The following ACP6 variants were observed in gnomAD, a reference collection of about 807,000 sequenced individuals.
ACP6 encodes the protein acid phosphatase 6, lysophosphatidic.
In ACP6, 48 loss-of-function variants were observed where a neutral mutation model predicts 48.1. The ratio of observed to expected loss-of-function variants is 1.00; its 90% CI spans 0.79 to 1.27. The LOEUF (loss-of-function observed/expected upper bound fraction) is 1.27. Ranked by LOEUF, ACP6 falls within the 50% of genes most tolerant of loss-of-function variation. The probability of loss-of-function intolerance (pLI) is 0.00; values close to 1 mark genes in which losing one functional copy is unlikely to be tolerated. For missense variants in ACP6, 485 were observed against 529.1 expected, an observed-to-expected ratio of 0.92 and a Z score of 0.82; for synonymous variants, 172 against 204.2, an observed-to-expected ratio of 0.84 and a Z score of 1.34.
At chr1:147,632,511 C>T (rs782265029) in intron 5 of ACP6, among the ~76,000 whole-genome samples, 5 of 151,582 alleles carry the variant, frequency 3.3e-5, no homozygotes, top group Non-Finnish European at 7.4e-5. Context: ...GAGAACAACA[C>T]GAATGAGGAA....
chr1:147,669,395 T>A (rs1292974549), intron 1 of ACP6, among the ~76,000 whole-genome samples: 2 of 152,212 alleles, frequency 1.3e-5, no homozygotes, highest in African/African-American at 4.8e-5. Flanking sequence ...GTGGTTCCTA[T>A]CACTAAAGTC....
At chr1:147,667,216 A>G (rs950052096) in intron 1 of ACP6, among the ~76,000 whole-genome samples, 3 of 238 alleles carry the variant, frequency 0.013, no homozygotes, top group African/African-American at 0.019. Context: ...ATAAAACACT[A>G]GTTTTTTGTT....
chr1:147,669,773 TCCTGG>T (rs1240560848), intron 1 of ACP6, 52 bp downstream of exon 1: 1 of 1,486,262 alleles, frequency 6.7e-7, no homozygotes, highest in African/African-American at 1.4e-5. Context: ...AGGGCGAGAC[TCCTGG>T]CCTGGCACAC....
rs1184669586 is a variant in ACP6 at position 147,646,931 on chromosome 1, G to A, written c.*492C>T. 3 of 154,346 alleles carry A rather than the reference G, an allele frequency of 1.9e-5. No individual in the cohort carries two copies. Among genetic ancestry groups the A allele is most frequent in the Admixed American group, 1.9e-4 (3 of 15,512 alleles). The allele number at this position is 154,346 out of a possible 1,614,324, so 9.6% of individuals were successfully genotyped here. A position where few individuals can be genotyped will look rare whatever the true frequency, so the allele number is the denominator to read the frequency against. On this transcript the variant is annotated 3_prime_UTR_variant, in exon 10 of 10. Transcript: ENST00000583509. Reference sequence around the variant, plus strand: ...ACATCCCCTGCCATGTGAGCAGGAAGTTTCTTCTCTATACCCAAATAGCCC... The same window carrying A: ...ACATCCCCTGCCATGTGAGCAGGAAATTTCTTCTCTATACCCAAATAGCCC...
chr1:147,639,077 G>A (rs1413194147), downstream of ACP6, among the ~76,000 whole-genome samples: 3 of 152,040 alleles, frequency 2.0e-5, no homozygotes, highest in Middle Eastern at 3.2e-3. Context: ...GGCTAGCCTC[G>A]AACCCCTGGG....
chr1:147,653,520 T>C (rs937795066), intron 6 of ACP6, among the ~76,000 whole-genome samples: 1 of 152,172 alleles, frequency 6.6e-6, no homozygotes, highest in African/African-American at 2.4e-5. Context: ...CAAAATGAAG[T>C]CTAAAAAATA....
intron 6 of ACP6, 88 bp from the exon 7 acceptor site, chr1:147,652,637 C>T: frequency 2.5e-6 from 4 of 1,607,188 alleles, no homozygotes; most frequent in Non-Finnish European, 3.4e-6. Flanking sequence ...CCTGCAGGAG[C>T]CCATCTTCTC....
rs1553208964 is a variant in ACP6 at position 147,642,797 on chromosome 1, C to A, written c.*4626G>T. On this transcript the variant is annotated 3_prime_UTR_variant, in exon 10 of 10. Coordinates refer to ENST00000583509, the MANE Select transcript of ACP6 (RefSeq NM_016361.5). Reference sequence around the variant, plus strand: ...AGTCAGGGAAATAAGCATATAGATACACAAATATGTAATATCCGGCACTGA... The same window carrying A: ...AGTCAGGGAAATAAGCATATAGATAAACAAATATGTAATATCCGGCACTGA... 1 of 152,282 alleles carries A rather than the reference C, an allele frequency of 6.6e-6. No individual in the cohort carries two copies. Among genetic ancestry groups the A allele is most frequent in the Admixed American group, 6.5e-5 (1 of 15,304 alleles). 9.4% of individuals were successfully genotyped at this position (152,282 alleles called of 1,614,324 possible). A position where few individuals can be genotyped will look rare whatever the true frequency, so the allele number is the denominator to read the frequency against.
chr1:147,667,945 G>A (rs1198728434), intron 1 of ACP6, among the ~76,000 whole-genome samples: 2 of 151,648 alleles, frequency 1.3e-5, no homozygotes, highest in Non-Finnish European at 2.9e-5. Flanking sequence ...AGCCGAGATC[G>A]CGTCACTGCA....
At chr1:147,631,618 A>T (rs1247237034) in intron 5 of ACP6, among the ~76,000 whole-genome samples, 2 of 152,156 alleles carry the variant, frequency 1.3e-5, no homozygotes, top group Non-Finnish European at 2.9e-5. Flanking sequence ...GATCGAGACC[A>T]TCCTGGCCAA....
downstream of ACP6, among the ~76,000 whole-genome samples, chr1:147,639,988 T>C (rs1659406750): frequency 6.6e-6 from 1 of 152,114 alleles, no homozygotes; most frequent in African/African-American, 2.4e-5. Flanking sequence ...TAAAAATCTC[T>C]GTACAACACA....
At chr1:147,660,306 T>C (rs1363585962) in intron 1 of ACP6, among the ~76,000 whole-genome samples, 1 of 152,204 alleles carries the variant, frequency 6.6e-6, no homozygotes, top group African/African-American at 2.4e-5. Context: ...TCTTCCATTA[T>C]TCCTTGCAAT....
In ACP6 at chr1:147,647,647, G is replaced by C; in HGVS notation, c.1144-81C>G. 5 of 1,518,376 alleles carry C rather than the reference G, an allele frequency of 3.3e-6. No individual in the cohort carries two copies. The South Asian group carries it at 4.8e-5, about 15-fold the overall frequency. 94.1% of individuals were successfully genotyped at this position (1,518,376 alleles called of 1,614,324 possible). The stretch of plus-strand genomic sequence containing the variant: ...TCCAGCTAAGCCCAGAGATCTGAGA[G>C]GCTCTGATCCATGTGGTATACATGT... On this transcript the variant is annotated intron_variant, in intron 9 of 9. Coordinates refer to ENST00000583509, the MANE Select transcript of ACP6 (RefSeq NM_016361.5).
chr1:147,650,442 C>T (rs587668686), intron 7 of ACP6: 10 of 503,396 alleles, frequency 2.0e-5, no homozygotes, highest in Middle Eastern at 5.0e-4. Context: ...CTCCCAACAA[C>T]ACAGGCACCA....
chr1:147,650,020 T>G, intron 8 of ACP6, 123 bp downstream of exon 8: 1 of 754,836 alleles, frequency 1.3e-6, no homozygotes. Flanking sequence ...TGAGGCCTGT[T>G]AAACATCTAC....
chr1:147,669,946 GCAGC>G lies in ACP6; in HGVS notation c.99_102del (p.Glu33AspfsTer15). 1 of 1,551,834 alleles carries G rather than the reference GCAGC, an allele frequency of 6.4e-7. No individual in the cohort carries two copies. The highest frequency in any genetic ancestry group is 8.7e-7 in the Non-Finnish European group (1 of 1,148,394). On this transcript the variant is annotated frameshift_variant, in exon 1 of 10. Coordinates refer to ENST00000583509, the MANE Select transcript of ACP6 (RefSeq NM_016361.5). LOFTEE classifies it high-confidence loss of function. Reference sequence around the variant, plus strand: ...ACCGGACACTGGCCATCGGCCTCCTGCAGCTCGGCCAGGGCCACCCGCCGCTGGT... The same window carrying G: ...ACCGGACACTGGCCATCGGCCTCCTGTCGGCCAGGGCCACCCGCCGCTGGT...
rs587679386 is a variant in ACP6, at chr1:147,669,974, G to T, written c.75C>A (p.His25Gln). 4.5e-6 allele frequency: 7 copies of T among 1,550,040 alleles called. No homozygotes were observed. The African/African-American group carries it at 6.8e-5, about 15-fold the overall frequency. The change falls in exon 1 of 10, where the codon CAC becomes CAA. Residue 25 changes from histidine to glutamine, a missense_variant. Physicochemically the swap from His to Gln is conservative, Grantham distance 24. Transcript: ENST00000583509. Reference sequence around the variant, plus strand: ...GCTCGGCCAGGGCCACCCGCCGCTGGTGCAGGCAGTACGCCAGCGAGGTCA... The same window carrying T: ...GCTCGGCCAGGGCCACCCGCCGCTGTTGCAGGCAGTACGCCAGCGAGGTCA... Reference protein sequence around the residue: ...GVLTSLAYCLHQRRVALAELQ... With the variant: ...GVLTSLAYCLQQRRVALAELQ...
chr1:147,656,876 CAT>C (rs1378482585), intron 4 of ACP6, among the ~76,000 whole-genome samples: 1 of 152,110 alleles, frequency 6.6e-6, no homozygotes, highest in African/African-American at 2.4e-5. Flanking sequence ...ATAAAAATAA[CAT>C]AAATTAGAAA....
At chr1:147,655,502 G>A (rs1224008488) in intron 4 of ACP6, among the ~76,000 whole-genome samples, 2 of 152,096 alleles carry the variant, frequency 1.3e-5, no homozygotes, top group Admixed American at 6.5e-5. Context: ...CCCTCCTATC[G>A]GGCCACAAAT....
Sources: allele counts gnomAD v4.1 joint callset (sites outside exome capture counted in the v4.1 genomes callset), GRCh38; gene constraint gnomAD v4.1.1; transcripts MANE v1.5; gene names NCBI Gene and HGNC (gene_info 2026-07-23, HGNC 2026-07-21).